Variants in WDR72 observed in about 807,000 individuals in gnomAD.
WDR72 encodes WD repeat-containing protein 72.
In WDR72, 120 loss-of-function variants were observed where a neutral mutation model predicts 124.2. The observed-to-expected ratio is 0.97, with a 90% CI of 0.83 to 1.12. WDR72 has a LOEUF of 1.12. WDR72 is among the 50% of genes most tolerant of loss of function. The probability of loss-of-function intolerance (pLI) is 0.00; values close to 1 mark genes in which losing one functional copy is unlikely to be tolerated. For synonymous variants in WDR72, 452 were observed against 441.7 expected (o/e 1.02, Z -0.29); for missense variants, 1,387 against 1,278.8 (o/e 1.08, Z -1.29).
upstream of WDR72, among the ~76,000 whole-genome samples, chr15:53,760,049 A>G (rs1220869384): frequency 6.7e-6 from 1 of 149,178 alleles, no homozygotes; most frequent in Non-Finnish European, 1.5e-5. Flanking sequence ...TTTTGGGGAT[A>G]CACAGTAGGT....
In WDR72 at chr15:53,613,681, T is replaced by G. The variant is rs780815533; in HGVS notation, c.2857A>C (p.Ser953Arg). ...NDILNMSSFY[S>R]CLRNGKNESH... ...ACTCTCTTACCATTTCGTAAGCAAC[T>G]GTAGAAGCTTGACATATTTAAAATG... The change falls in exon 16 of 20, where the codon AGT becomes CGT. Residue 953 changes from serine (S) to arginine (R), a missense_variant. Physicochemically the swap from Ser to Arg is moderately radical, Grantham distance 110 (BLOSUM62 -1). Transcript: ENST00000360509. The G allele has an allele frequency of 6.2e-7, 1 of 1,610,032 alleles. No individual in the cohort carries two copies.
At position 53,680,328 on chromosome 15, in the gene WDR72, C is replaced by G. The variant is rs2016336929; in HGVS notation, c.1766-14560G>C. Reference sequence around the variant, plus strand: ...ATTAGATCATAATGTACTAACAATTCTGTTAAATTCAATGTTTAAAAGAAG... The same window carrying G: ...ATTAGATCATAATGTACTAACAATTGTGTTAAATTCAATGTTTAAAAGAAG... On this transcript the variant is annotated intron_variant, in intron 13 of 19. Coordinates refer to ENST00000360509, the MANE Select transcript of WDR72 (RefSeq NM_182758.4). 2.0e-5 allele frequency among the ~76,000 whole-genome samples: 3 copies of G among 152,158 alleles called. No homozygotes were observed. In the South Asian group the frequency reaches 6.2e-4, roughly 31 times the overall value.
rs943319746 is a variant in WDR72, at chr15:53,613,759, T to C, written c.2781-2A>G. 4.6e-5 allele frequency: 73 copies of C among 1,590,464 alleles called. No individual in the cohort carries two copies. In the East Asian group the frequency reaches 1.6e-3, roughly 35 times the overall value. ...TGTATACTTTCCATTCTGAAAGAACTGTTAGAAAAAAGATTGACAGCATAT... is the reference window on the plus strand; with the variant it reads ...TGTATACTTTCCATTCTGAAAGAACCGTTAGAAAAAAGATTGACAGCATAT... On this transcript the variant is annotated splice_acceptor_variant, in intron 15 of 19. Coordinates refer to ENST00000360509, the MANE Select transcript of WDR72 (RefSeq NM_182758.4). LOFTEE classifies it high-confidence loss of function.
intron 9 of WDR72, among the ~76,000 whole-genome samples, chr15:53,707,348 A>C (rs942251404): frequency 6.6e-6 from 1 of 152,218 alleles, no homozygotes; most frequent in Admixed American, 6.5e-5. Context: ...GAAAATAAGA[A>C]ACCAATCCAA....
At chr15:53,709,658 G>A (rs2017478692) in intron 9 of WDR72, among the ~76,000 whole-genome samples, 3 of 152,088 alleles carry the variant, frequency 2.0e-5, no homozygotes, top group East Asian at 1.9e-4. Context: ...TTTTGTGATC[G>A]ACAGCAAAAC....
At chr15:53,552,417 T>C (rs546993439) in intron 18 of WDR72, among the ~76,000 whole-genome samples, 4 of 152,168 alleles carry the variant, frequency 2.6e-5, no homozygotes, top group African/African-American at 9.6e-5. Flanking sequence ...ACGTGACCTT[T>C]ACTTTTTCTT....
In WDR72 at chr15:53,597,078, C is replaced by CT. The variant is rs1461372793; in HGVS notation, c.3148dup (p.Thr1050AsnfsTer9). 6.2e-7 allele frequency: 1 copy of CT among 1,613,576 alleles called. No homozygotes were observed. Among genetic ancestry groups the CT allele is most frequent in the Admixed American group, 1.7e-5 (1 of 59,968 alleles). On this transcript the variant is annotated frameshift_variant and splice_region_variant. Coordinates refer to ENST00000360509, the MANE Select transcript of WDR72 (RefSeq NM_182758.4). LOFTEE classifies it high-confidence loss of function. The stretch of plus-strand genomic sequence containing the variant: ...AGTATACCAATAAATTTTGTACTTA[C>CT]TTTGCAGAGGCAAAGTGTTTCTAAC...
intron 18 of WDR72, among the ~76,000 whole-genome samples, chr15:53,591,800 ATTATTC>A (rs150864004): frequency 0.016 from 2,376 of 151,916 alleles, 43 homozygotes; most frequent in East Asian, 0.076. Flanking sequence ...TCAAGCTTGC[ATTATTC>A]TTATTGTCTT....
intron 17 of WDR72, among the ~76,000 whole-genome samples, chr15:53,603,241 T>C (rs577254551): frequency 1.3e-5 from 2 of 152,122 alleles, no homozygotes; most frequent in East Asian, 1.9e-4. Context: ...AAAAACCACA[T>C]GATTATCTCC....
chr15:53,547,167 T>C (rs1274483451), intron 18 of WDR72, among the ~76,000 whole-genome samples: 1 of 152,228 alleles, frequency 6.6e-6, no homozygotes, highest in East Asian at 1.9e-4. Flanking sequence ...AACAACTATT[T>C]AACATTGAGT....
intron 18 of WDR72, among the ~76,000 whole-genome samples, chr15:53,556,790 C>A (rs1893949407): frequency 6.6e-6 from 1 of 152,218 alleles, no homozygotes; most frequent in South Asian, 2.1e-4. Context: ...CAAAACCTTG[C>A]ATAAACCTGG....
At chr15:53,537,294 T>A (rs2140246801) in intron 18 of WDR72, among the ~76,000 whole-genome samples, 1 of 152,324 alleles carries the variant, frequency 6.6e-6, no homozygotes, top group South Asian at 2.1e-4. Flanking sequence ...AATTATTAGA[T>A]GTTCAGAGAA....
At chr15:53,746,417 GAAACACAA>G (rs2140888447) in intron 1 of WDR72, among the ~76,000 whole-genome samples, 1 of 152,256 alleles carries the variant, frequency 6.6e-6, no homozygotes, top group Admixed American at 6.5e-5. Flanking sequence ...CAGCCCACTA[GAAACACAA>G]AGGATAAAGT....
rs749328784 is a variant in WDR72 at position 53,733,083 on chromosome 15, T to C, written c.67A>G (p.Ile23Val). 4 of 1,614,104 alleles carry C rather than the reference T, an allele frequency of 2.5e-6. No individual in the cohort carries two copies. The highest frequency in any genetic ancestry group is 2.2e-5 in the East Asian group (1 of 44,884). The change falls in exon 2 of 20, where the codon ATC becomes GTC. Residue 23 changes from isoleucine to valine, a missense_variant. Transcript: ENST00000360509. Reference sequence around the variant, plus strand: ...GTTCGCTGGTCATCAGTGATCATGATGGCAGTGATGCTGTGGGGAGGGGCC... The same window carrying C: ...GTTCGCTGGTCATCAGTGATCATGACGGCAGTGATGCTGTGGGGAGGGGCC... ...QKAPPHSITA[I>V]MITDDQRTIV...
At chr15:53,705,374 T>C (rs756108527) in intron 10 of WDR72, 141 bp from the exon 11 acceptor site, 5 of 756,802 alleles carry the variant, frequency 6.6e-6, no homozygotes, top group Non-Finnish European at 1.1e-5. Flanking sequence ...CATTCATCTC[T>C]TGGGAAGTTC....
intron 13 of WDR72, 140 bp downstream of exon 13, chr15:53,699,610 A>C: frequency 1.2e-6 from 1 of 867,974 alleles, no homozygotes; most frequent in East Asian, 2.6e-5. Context: ...CATGCCTTTA[A>C]CTGAAGCCAT....
chr15:53,740,184 ATGTC>A (rs1455189909), intron 1 of WDR72, among the ~76,000 whole-genome samples: 1 of 152,082 alleles, frequency 6.6e-6, no homozygotes, highest in Non-Finnish European at 1.5e-5. Context: ...CTCTGCATTG[ATGTC>A]TCCCTTAATG....
At chr15:53,690,123 A>C (rs201881245) in intron 13 of WDR72, among the ~76,000 whole-genome samples, 3,736 of 150,202 alleles carry the variant, frequency 0.025, 83 homozygotes, top group East Asian at 0.063. Flanking sequence ...GCTAGATGAC[A>C]AGTTAGTGGG....
chr15:53,673,216 T>A (rs1379662513), intron 13 of WDR72, among the ~76,000 whole-genome samples: 2 of 152,152 alleles, frequency 1.3e-5, no homozygotes, highest in African/African-American at 4.8e-5. Flanking sequence ...TAGCCTAATA[T>A]CAATGTATGA....
Sources: allele counts gnomAD v4.1 joint callset (sites outside exome capture counted in the v4.1 genomes callset), GRCh38; gene constraint gnomAD v4.1.1; transcripts MANE v1.5; gene names NCBI Gene and HGNC (gene_info 2026-07-23, HGNC 2026-07-21).